The following ACTG2 variants were observed in gnomAD, a reference collection of about 807,000 sequenced individuals.
The protein encoded by ACTG2 is actin gamma 2, smooth muscle, also known as actin, gamma-enteric smooth muscle.
In ACTG2, 16 loss-of-function variants were observed where a neutral mutation model predicts 37.6. The ratio of observed to expected loss-of-function variants is 0.43; its 90% CI spans 0.29 to 0.65. The LOEUF is 0.65. ACTG2 is among the 30% of genes least tolerant of loss of function. The pLI is 0.18. For synonymous variants in ACTG2, 181 were observed against 179.9 expected, an observed-to-expected ratio of 1.01 and a Z score of -0.05; for missense variants, 238 against 490.9, an observed-to-expected ratio of 0.48 and a Z score of 4.87.
At chr2:73,902,203 T>G (rs564607770) in intron 2 of ACTG2, among the ~76,000 whole-genome samples, 157 bp from the exon 3 acceptor site, 1 of 152,140 alleles carries the variant, frequency 6.6e-6, no homozygotes, top group East Asian at 1.9e-4. Context: ...TCATACTCAC[T>G]GGCATCTGCT....
intron 1 of ACTG2, among the ~76,000 whole-genome samples, chr2:73,895,894 A>G (rs1371071722): frequency 6.6e-6 from 1 of 152,222 alleles, no homozygotes; most frequent in East Asian, 1.9e-4. Flanking sequence ...CAATTCTACC[A>G]TTGTAACAAA....
chr2:73,902,933 A>C, intron 3 of ACTG2: 1 of 692,400 alleles, frequency 1.4e-6, no homozygotes, highest in Non-Finnish European at 2.3e-6. Flanking sequence ...CCCTTCTTTA[A>C]AATGCTGGTG....
At chr2:73,901,626 G>A in intron 2 of ACTG2, 189 bp downstream of exon 2, 3 of 1,079,578 alleles carry the variant, frequency 2.8e-6, no homozygotes, top group Non-Finnish European at 3.8e-6. Flanking sequence ...ACATGCGTGT[G>A]TGCACGCCAG....
chr2:73,902,039 G>GTA (rs1194843453), intron 2 of ACTG2, among the ~76,000 whole-genome samples: 1 of 40,728 alleles, frequency 2.5e-5, no homozygotes, highest in Non-Finnish European at 6.7e-5. Flanking sequence ...GTGTGTGTGT[G>GTA]TCTGTGTGTG....
chr2:73,904,612 C>A (rs989498101), intron 3 of ACTG2, among the ~76,000 whole-genome samples: 89 of 151,222 alleles, frequency 5.9e-4, no homozygotes, highest in African/African-American at 1.9e-3. Context: ...GAGCCAAGAT[C>A]GCATCACTGC....
chr2:73,912,455 C>A (rs1369816755), intron 5 of ACTG2, among the ~76,000 whole-genome samples: 1 of 152,244 alleles, frequency 6.6e-6, no homozygotes, highest in Admixed American at 6.5e-5. Context: ...CCGCGCCCAA[C>A]CTTGCACTTC....
intron 3 of ACTG2, among the ~76,000 whole-genome samples, chr2:73,904,381 G>A (rs1332032683): frequency 6.6e-6 from 1 of 150,746 alleles, no homozygotes; most frequent in African/African-American, 2.4e-5. Flanking sequence ...AATAAATTAT[G>A]TGCCTTAAGG....
At chr2:73,899,380 T>G (rs921113458) in intron 1 of ACTG2, among the ~76,000 whole-genome samples, 1 of 152,088 alleles carries the variant, frequency 6.6e-6, no homozygotes, top group Non-Finnish European at 1.5e-5. Context: ...GAGGATCGCT[T>G]GGGCCTGGGA....
chr2:73,914,636 A>T, intron 6 of ACTG2, 44 bp from the exon 7 acceptor site: 1 of 1,438,352 alleles, frequency 7.0e-7, no homozygotes, highest in Non-Finnish European at 9.3e-7. Context: ...CAACCAAACT[A>T]TCAGAGCTCA....
intron 7 of ACTG2, among the ~76,000 whole-genome samples, 166 bp downstream of exon 7, chr2:73,915,037 G>GA (rs35892339): frequency 6.6e-5 from 10 of 151,896 alleles, no homozygotes; most frequent in Admixed American, 6.5e-4. Context: ...AAAAATTAGG[G>GA]AAAAATCTCA....
At chr2:73,894,790 A>G (rs1679707561) in intron 1 of ACTG2, among the ~76,000 whole-genome samples, 1 of 152,120 alleles carries the variant, frequency 6.6e-6, no homozygotes, top group South Asian at 2.1e-4. Context: ...GCTCAATTCC[A>G]CTGAATTTAG....
chr2:73,913,778 A>T, intron 6 of ACTG2, 132 bp downstream of exon 6: 1 of 755,388 alleles, frequency 1.3e-6, no homozygotes, highest in Non-Finnish European at 2.1e-6. Flanking sequence ...GAGAGGCCTT[A>T]AGCTGGGGCT....
intron 3 of ACTG2, among the ~76,000 whole-genome samples, chr2:73,904,246 C>G (rs1378098893): frequency 4.7e-4 from 16 of 34,162 alleles, no homozygotes; most frequent in Admixed American, 1.2e-3. Flanking sequence ...GAGACCATGT[C>G]TCAAAAAAAA....
intron 2 of ACTG2, 22 bp downstream of exon 2, chr2:73,901,459 A>C: frequency 6.2e-7 from 1 of 1,612,942 alleles, no homozygotes; most frequent in Non-Finnish European, 8.5e-7. Context: ...TCTGGATACC[A>C]CCAGGCTTTG....
At chr2:73,898,371 T>TTTTTTTTTTTTTGAGACGG (rs1679798255) in intron 1 of ACTG2, among the ~76,000 whole-genome samples, 1 of 133,902 alleles carries the variant, frequency 7.5e-6, no homozygotes, top group East Asian at 2.1e-4. Context: ...TCTATTGTAT[T>TTTTTTTTTTTTTGAGACGG]AAATATTTCA....
intron 3 of ACTG2, among the ~76,000 whole-genome samples, chr2:73,904,809 AT>A (rs1679984891): frequency 9.2e-6 from 1 of 108,308 alleles, no homozygotes; most frequent in African/African-American, 3.4e-5. Flanking sequence ...ATATATATAT[AT>A]ATATAATCTT....
intron 1 of ACTG2, among the ~76,000 whole-genome samples, chr2:73,898,802 C>CTTTTTTTTTTTTT (rs1165118275): frequency 6.5e-5 from 6 of 93,008 alleles, no homozygotes; most frequent in Non-Finnish European, 1.2e-4. Flanking sequence ...TTTTTTTTTT[C>CTTTTTTTTTTTTT]TTTTTTTTTT....
intron 7 of ACTG2, among the ~76,000 whole-genome samples, chr2:73,915,382 T>C (rs1440379674): frequency 1.3e-5 from 2 of 151,692 alleles, no homozygotes; most frequent in Non-Finnish European, 1.5e-5. Context: ...TAGCAGGGCA[T>C]GGTGGTGCAT....
chr2:73,908,982 A>G, intron 4 of ACTG2, 73 bp from the exon 5 acceptor site: 1 of 1,466,772 alleles, frequency 6.8e-7, no homozygotes, highest in Non-Finnish European at 9.6e-7. Flanking sequence ...TAATGAGATT[A>G]CAAACCATTC....
Sources: allele counts gnomAD v4.1 joint callset (sites outside exome capture counted in the v4.1 genomes callset), GRCh38; gene constraint gnomAD v4.1.1; transcripts MANE v1.5; gene names NCBI Gene and HGNC (gene_info 2026-07-23, HGNC 2026-07-21).